ARHGEF10: variants seen among roughly 807,000 people sequenced by gnomAD.
ARHGEF10 encodes Rho guanine nucleotide exchange factor 10.
Under a neutral mutation model 147.4 loss-of-function variants are expected in ARHGEF10, and 140 were observed. The observed-to-expected ratio is 0.95, with a 90% CI of 0.83 to 1.09. The LOEUF (loss-of-function observed/expected upper bound fraction) is 1.09, where lower values mean the gene tolerates loss of function less well. Among genes scored for constraint, ARHGEF10 ranks in the 50% least tolerant of loss-of-function variants. ARHGEF10 has a pLI of 0.00. For synonymous variants in ARHGEF10, 902 were observed against 695.8 expected (o/e 1.30, Z -4.67); for missense variants, 2,222 against 1,752.7 (o/e 1.27, Z -4.78).
At position 1,866,737 on chromosome 8, in the gene ARHGEF10, A is replaced by G. The variant is rs553264257; in HGVS notation, c.622+135A>G. The stretch of plus-strand genomic sequence containing the variant: ...AAGATGTTTATTTACTGAAAATAGT[A>G]ACATGGGCTGACTGTGCAGAAGTTT... On this transcript the variant is annotated intron_variant, in intron 6 of 28. Coordinates refer to ENST00000349830, the MANE Select transcript of ARHGEF10 (RefSeq NM_014629.4). The G allele has an allele frequency of 4.2e-4, 387 of 917,162 alleles. 1 individual carries two copies. The highest frequency in any genetic ancestry group is 5.8e-4 in the Non-Finnish European group (335 of 579,192). 56.8% of individuals were successfully genotyped at this position (917,162 alleles called of 1,614,324 possible).
Position 1,957,358 on chromosome 8 carries a change from T to C in ARHGEF10, c.*95T>C. The C allele has an allele frequency of 6.6e-7, 1 of 1,511,750 alleles. No individual in the cohort carries two copies. The highest frequency in any genetic ancestry group is 1.4e-5 in the African/African-American group (1 of 72,744). The allele number at this position is 1,511,750 out of a possible 1,614,324, so 93.6% of individuals were successfully genotyped here. A position where few individuals can be genotyped will look rare whatever the true frequency, so the allele number is the denominator to read the frequency against. The stretch of plus-strand genomic sequence containing the variant: ...AGTGGTTAAGCTGTGTCTACACTGG[T>C]TGGGAATAAATTAAAAACAGTATTT... On this transcript the variant is annotated 3_prime_UTR_variant, in exon 29 of 29. Transcript: ENST00000349830.
At position 1,937,801 on chromosome 8, in the gene ARHGEF10, G is replaced by T. The variant is rs908248253; in HGVS notation, c.3222+3859G>T. Reference sequence around the variant, plus strand: ...TGCTGTCAGAACAGTGCCGGCCTGGGAGCTGCATGTGATCTGGGCTTGGGT... The same window carrying T: ...TGCTGTCAGAACAGTGCCGGCCTGGTAGCTGCATGTGATCTGGGCTTGGGT... On this transcript the variant is annotated intron_variant, in intron 26 of 28. Transcript: ENST00000349830. The surrounding 1 kb of genome is among the most constrained non-coding windows in gnomAD (Gnocchi z 4.9). 1.4e-4 allele frequency among the ~76,000 whole-genome samples: 21 copies of T among 152,210 alleles called. No individual in the cohort carries two copies. The highest frequency in any genetic ancestry group is 5.1e-4 in the African/African-American group (21 of 41,456).
intron 15 of ARHGEF10, among the ~76,000 whole-genome samples, chr8:1,901,756 A>G (rs1398449746): frequency 6.6e-6 from 1 of 152,196 alleles, no homozygotes; most frequent in Non-Finnish European, 1.5e-5. Context: ...TTGGTGCAGA[A>G]CTAGTGTTAA....
intron 1 of ARHGEF10, among the ~76,000 whole-genome samples, 151 bp downstream of exon 1, chr8:1,824,264 G>T (rs1414211391): frequency 6.6e-6 from 1 of 152,000 alleles, no homozygotes; most frequent in African/African-American, 2.4e-5. Context: ...CAGGGAAGGG[G>T]CTGAGACCCC....
intron 1 of ARHGEF10, among the ~76,000 whole-genome samples, chr8:1,834,688 G>A (rs1236622014): frequency 2.0e-5 from 3 of 152,250 alleles, no homozygotes; most frequent in African/African-American, 4.8e-5. Context: ...TTGCTGCGGT[G>A]TTTGGTTGAG....
At chr8:1,878,192 G>A (rs1319947951) in intron 8 of ARHGEF10, among the ~76,000 whole-genome samples, 1 of 111,976 alleles carries the variant, frequency 8.9e-6, no homozygotes, top group Non-Finnish European at 1.8e-5. Context: ...GTAGTTTTTC[G>A]GGTTTTTTTT....
rs113964752 is a variant in ARHGEF10, at chr8:1,891,736, C to T, written c.1183-1833C>T. ...TTCTCAGGAAGAGAGTGACACTCTTCCTGAGCACTGGAGGCTCCCTGTCCC... is the reference window on the plus strand; with the variant it reads ...TTCTCAGGAAGAGAGTGACACTCTTTCTGAGCACTGGAGGCTCCCTGTCCC... On this transcript the variant is annotated intron_variant, in intron 11 of 28. Transcript: ENST00000349830. 2.8e-3 allele frequency among the ~76,000 whole-genome samples: 433 copies of T among 152,222 alleles called. 5 individuals carry two copies. Among genetic ancestry groups the T allele is most frequent in the African/African-American group, 0.01 (426 of 41,538 alleles).
chr8:1,869,176 TC>T lies in ARHGEF10; in HGVS notation c.623-17del, dbSNP rs779523048. On this transcript the variant is annotated splice_polypyrimidine_tract_variant and intron_variant, in intron 6 of 28. Coordinates refer to ENST00000349830, the MANE Select transcript of ARHGEF10 (RefSeq NM_014629.4). ...TTTGTTGGTCACTGTTTAAAGTGTT[TC>T]TCCCCGTTTATTGCAGATCCAGAGG... 6.2e-6 allele frequency: 10 copies of T among 1,610,816 alleles called. No individual in the cohort carries two copies. The highest frequency in any genetic ancestry group is 8.5e-6 in the Non-Finnish European group (10 of 1,176,988).
intron 11 of ARHGEF10, among the ~76,000 whole-genome samples, chr8:1,889,494 TC>T (rs1809213152): frequency 2.0e-5 from 1 of 49,660 alleles, no homozygotes; most frequent in Admixed American, 2.1e-4. Flanking sequence ...GGGTGAGGGG[TC>T]TGTGAGGAGA....
intron 11 of ARHGEF10, among the ~76,000 whole-genome samples, chr8:1,887,325 G>T (rs573879377): frequency 6.6e-6 from 1 of 152,376 alleles, no homozygotes; most frequent in African/African-American, 2.4e-5. Flanking sequence ...AGGAGACCTT[G>T]AGGACACATG....
chr8:1,849,007 C>T (rs1467654230), intron 2 of ARHGEF10, among the ~76,000 whole-genome samples: 2 of 152,082 alleles, frequency 1.3e-5, no homozygotes, highest in Admixed American at 6.6e-5. Flanking sequence ...TGTAAAGCTC[C>T]GTGGCTTTTA....
intron 18 of ARHGEF10, among the ~76,000 whole-genome samples, chr8:1,914,374 G>T (rs758571810): frequency 6.6e-6 from 1 of 152,252 alleles, no homozygotes; most frequent in Non-Finnish European, 1.5e-5. Context: ...CACAGTGACC[G>T]ATGTGGGACC....
chr8:1,908,533 A>T (rs1028357339), intron 17 of ARHGEF10, among the ~76,000 whole-genome samples: 1 of 152,080 alleles, frequency 6.6e-6, no homozygotes, highest in Non-Finnish European at 1.5e-5. Context: ...CGCCCGGCCC[A>T]CACTTTGATT....
chr8:1,844,064 G>A lies in ARHGEF10; in HGVS notation c.37+628G>A, dbSNP rs557459354. On this transcript the variant is annotated intron_variant, in intron 2 of 28. Transcript: ENST00000349830. ...TGGCAGGTCGTCTGCAGGGCCTGGAGACCTGGCCTAGGTCCTCCCGGGGCC... is the reference window on the plus strand; with the variant it reads ...TGGCAGGTCGTCTGCAGGGCCTGGAAACCTGGCCTAGGTCCTCCCGGGGCC... Among the ~76,000 whole-genome samples, 255 of 152,366 alleles carry A rather than the reference G, an allele frequency of 1.7e-3. 1 individual carries two copies. Among genetic ancestry groups the A allele is most frequent in the African/African-American group, 5.9e-3 (245 of 41,584 alleles).
At chr8:1,934,071 A>G (rs552917606) in intron 26 of ARHGEF10, 129 bp downstream of exon 26, 89 of 1,214,280 alleles carry the variant, frequency 7.3e-5, no homozygotes, top group Non-Finnish European at 1.0e-4. Context: ...ACAGTGGCTC[A>G]TGCCTGTAAT....
At chr8:1,895,037 A>C (rs536211238) in intron 13 of ARHGEF10, among the ~76,000 whole-genome samples, 9 of 152,222 alleles carry the variant, frequency 5.9e-5, no homozygotes, top group Non-Finnish European at 1.2e-4. Flanking sequence ...GAAAATTCCT[A>C]GATGTTTTCT....
At chr8:1,859,534 A>G (rs1000534732) in intron 3 of ARHGEF10, among the ~76,000 whole-genome samples, 1 of 147,968 alleles carries the variant, frequency 6.8e-6, no homozygotes, top group Non-Finnish European at 1.5e-5. Context: ...GGTTGTTTGC[A>G]TGGCGTTTCT....
intron 15 of ARHGEF10, among the ~76,000 whole-genome samples, chr8:1,902,815 G>C (rs527348490): frequency 5.3e-5 from 8 of 152,328 alleles, no homozygotes; most frequent in African/African-American, 1.9e-4. Flanking sequence ...CACTGTGAGA[G>C]AGACTCGATC....
At chr8:1,834,770 A>T (rs1001398234) in intron 1 of ARHGEF10, among the ~76,000 whole-genome samples, 1 of 152,128 alleles carries the variant, frequency 6.6e-6, no homozygotes, top group Non-Finnish European at 1.5e-5. Flanking sequence ...TCGTGGATTT[A>T]TGTCTTGAGT....
Sources: allele counts gnomAD v4.1 joint callset (sites outside exome capture counted in the v4.1 genomes callset), GRCh38; gene constraint gnomAD v4.1.1; non-coding constraint Gnocchi (gnomAD v3.1); transcripts MANE v1.5; gene names NCBI Gene and HGNC (gene_info 2026-07-23, HGNC 2026-07-21).